The following CPN1 variants were observed in gnomAD, a reference collection of about 807,000 sequenced individuals.
The protein encoded by CPN1 is carboxypeptidase N subunit 1.
CPN1 carries 37 observed loss-of-function variants against 46.4 expected under a neutral mutation model. The observed-to-expected ratio is 0.80, with a 90% CI of 0.61 to 1.05. The LOEUF is 1.05. CPN1 is among the 50% of genes least tolerant of loss of function. CPN1 has a pLI of 0.00. For missense variants in CPN1, 563 were observed against 602.6 expected (o/e 0.93, Z 0.69); for synonymous variants, 224 against 235.4 (o/e 0.95, Z 0.44).
intron 5 of CPN1, 55 bp downstream of exon 5, chr10:100,063,559 G>A: frequency 7.7e-7 from 1 of 1,294,844 alleles, no homozygotes; most frequent in Admixed American, 1.7e-5. Context: ...GAATTTAGAA[G>A]GAGAAATGAG....
At chr10:100,076,389 G>A (rs1451737789) in intron 1 of CPN1, among the ~76,000 whole-genome samples, 1 of 152,178 alleles carries the variant, frequency 6.6e-6, no homozygotes, top group Non-Finnish European at 1.5e-5. Context: ...TGTAAAGTGG[G>A]CATTAATAGC....
chr10:100,074,200 G>C (rs981869492), intron 2 of CPN1, among the ~76,000 whole-genome samples: 1 of 152,190 alleles, frequency 6.6e-6, no homozygotes, highest in African/African-American at 2.4e-5. Context: ...CCACCTACAA[G>C]TGGCTTCAAA....
At chr10:100,052,690 A>C (rs1001144633) in intron 7 of CPN1, among the ~76,000 whole-genome samples, 8 of 151,680 alleles carry the variant, frequency 5.3e-5, no homozygotes, top group African/African-American at 1.7e-4. Context: ...ACAGGGCAAA[A>C]CTCTGTCTCT....
chr10:100,075,950 T>A lies in CPN1; in HGVS notation c.381A>T (p.Pro127=). ...LIQDTRIHIL[P]SMNPDGYEVA... is the part of the protein sequence containing the mutation. The stretch of plus-strand genomic sequence containing the variant: ...CCTCGTAGCCGTCGGGGTTCATGGA[T>A]GGCAGGATGTGAATGCGCGTGTCCT... The change falls in exon 2 of 9, where the codon CCA becomes CCT. Residue 127 remains proline (P), a synonymous_variant. Coordinates refer to ENST00000370418, the MANE Select transcript of CPN1 (RefSeq NM_001308.3). The A allele has an allele frequency of 1.2e-6, 2 of 1,614,166 alleles. No homozygotes were observed. The highest frequency in any genetic ancestry group is 1.3e-5 in the African/African-American group (1 of 75,054).
intron 1 of CPN1, 97 bp from the exon 2 acceptor site, chr10:100,076,204 GA>G: frequency 8.5e-7 from 1 of 1,178,122 alleles, no homozygotes; most frequent in Non-Finnish European, 1.3e-6. Flanking sequence ...ACGAATGAAA[GA>G]AAATCTCATG....
chr10:100,067,485 T>G (rs1457847854), intron 3 of CPN1, among the ~76,000 whole-genome samples: 1 of 152,194 alleles, frequency 6.6e-6, no homozygotes, highest in Non-Finnish European at 1.5e-5. Flanking sequence ...ATCTAACATG[T>G]CAGCATGGCT....
rs1243068168 is a variant in CPN1, at chr10:100,070,530, C to T, written c.421-661G>A. ...CTGAGATTACAGGCAAGAGCTACTA[C>T]ATGCAGCCATGAATCCTATATTTGA... is the stretch of plus-strand genomic sequence containing the variant. On this transcript the variant is annotated intron_variant, in intron 2 of 8. Coordinates refer to ENST00000370418, the MANE Select transcript of CPN1 (RefSeq NM_001308.3). Among the ~76,000 whole-genome samples the T allele has an allele frequency of 3.3e-5, 5 of 152,098 alleles. No individual in the cohort carries two copies. The South Asian group carries it at 6.2e-4, about 19-fold the overall frequency.
intron 2 of CPN1, among the ~76,000 whole-genome samples, chr10:100,071,265 G>A (rs1436248540): frequency 1.3e-5 from 2 of 152,124 alleles, no homozygotes; most frequent in Non-Finnish European, 2.9e-5. Flanking sequence ...CACAAACTAG[G>A]TGGTTTATAA....
rs763340491 is a variant in CPN1, at chr10:100,042,534, G to A, written c.1270C>T (p.Pro424Ser). The change falls in exon 9 of 9, where the codon CCT becomes TCT. Residue 424 changes from proline to serine, a missense_variant. Transcript: ENST00000370418. ...HLKRSIPQVSPVRRAPSRRHG... is the reference protein window; with the variant it reads ...HLKRSIPQVSSVRRAPSRRHG... ...CTTCTGCTGGGAGCTCTCCTCACAG[G>A]GCTTACTTGAGGGATGCTTCTTTTG... 1.9e-6 allele frequency: 3 copies of A among 1,613,676 alleles called. No individual in the cohort carries two copies. The Admixed American group carries it at 5.0e-5, about 27-fold the overall frequency.
At chr10:100,067,379 G>T (rs111875056) in intron 3 of CPN1, among the ~76,000 whole-genome samples, 1 of 152,160 alleles carries the variant, frequency 6.6e-6, no homozygotes, top group Non-Finnish European at 1.5e-5. Flanking sequence ...GCCTCCCAAA[G>T]TGCTGGGATT....
At chr10:100,071,492 G>A (rs532617896) in intron 2 of CPN1, among the ~76,000 whole-genome samples, 19 of 152,052 alleles carry the variant, frequency 1.2e-4, no homozygotes, top group Middle Eastern at 3.4e-3. Context: ...ATCTCTATTC[G>A]CAAATTTCTT....
intron 7 of CPN1, among the ~76,000 whole-genome samples, chr10:100,050,346 T>C (rs2041343183): frequency 6.9e-6 from 1 of 144,580 alleles, no homozygotes; most frequent in Admixed American, 7.2e-5. Context: ...AGAGCAAGAT[T>C]CTGTCTCAAA....
At chr10:100,050,219 T>C (rs2041342009) in intron 7 of CPN1, among the ~76,000 whole-genome samples, 2 of 152,108 alleles carry the variant, frequency 1.3e-5, no homozygotes, top group Admixed American at 1.3e-4. Context: ...CCAGGCGTGG[T>C]GGCACATGCT....
intron 6 of CPN1, among the ~76,000 whole-genome samples, chr10:100,055,110 C>CAT (rs2041377943): frequency 3.3e-5 from 5 of 151,344 alleles, no homozygotes; most frequent in African/African-American, 4.9e-5. Flanking sequence ...TGGTGGTGGG[C>CAT]GCCTGTAATC....
At chr10:100,060,100 G>GCA (rs1491406071) in intron 5 of CPN1, among the ~76,000 whole-genome samples, 2 of 152,160 alleles carry the variant, frequency 1.3e-5, no homozygotes, top group Non-Finnish European at 2.9e-5. Flanking sequence ...AGGGGAAATG[G>GCA]AGAGTTATTG....
chr10:100,065,485 A>T (rs2041449888), intron 3 of CPN1, 115 bp from the exon 4 acceptor site: 2 of 1,099,176 alleles, frequency 1.8e-6, no homozygotes, highest in Non-Finnish European at 2.7e-6. Flanking sequence ...TGAATGAAAC[A>T]TTGAGCGTCC....
intron 7 of CPN1, among the ~76,000 whole-genome samples, chr10:100,049,258 C>CA (rs1032889061): frequency 5.8e-5 from 8 of 137,668 alleles, no homozygotes; most frequent in Non-Finnish European, 1.3e-4. Flanking sequence ...AGCCCGTTGG[C>CA]TTTTTTTTTT....
chr10:100,047,438 C>T (rs1045304411), intron 8 of CPN1, among the ~76,000 whole-genome samples: 2 of 152,192 alleles, frequency 1.3e-5, no homozygotes, highest in Admixed American at 1.3e-4. Context: ...GGTACTGACC[C>T]ACACACAGAA....
At chr10:100,076,804 C>T (rs746411379) in intron 1 of CPN1, among the ~76,000 whole-genome samples, 1 of 152,074 alleles carries the variant, frequency 6.6e-6, no homozygotes, top group African/African-American at 2.4e-5. Flanking sequence ...GGACTGAGCT[C>T]GTTCTCCATT....
Sources: gnomAD v4.1 joint callset for allele counts (sites outside exome capture counted in the v4.1 genomes callset) on GRCh38, gnomAD v4.1.1 for gene constraint, MANE v1.5 for transcripts, NCBI Gene and HGNC (gene_info 2026-07-23, HGNC 2026-07-21) for gene names.